The following KCNQ1 variants were observed in gnomAD, a reference collection of about 807,000 sequenced individuals.
The protein encoded by KCNQ1 is potassium voltage-gated channel subfamily Q member 1, also known as potassium voltage-gated channel subfamily KQT member 1.
KCNQ1 carries 49 observed loss-of-function variants against 72.4 expected under a neutral mutation model. That is an observed-to-expected ratio of 0.68 (90% CI 0.54 to 0.86). The LOEUF (loss-of-function observed/expected upper bound fraction) is 0.86, where lower values mean the gene tolerates loss of function less well. Ranked by LOEUF, KCNQ1 falls within the 40% of genes least tolerant of loss-of-function variation. The pLI, the probability that KCNQ1 is intolerant of heterozygous loss-of-function variation, is 0.00. For missense variants in KCNQ1, 790 were observed against 945.1 expected, an observed-to-expected ratio of 0.84 and a Z score of 2.15; for synonymous variants, 450 against 412.6, an observed-to-expected ratio of 1.09 and a Z score of -1.10.
In KCNQ1 at chr11:2,642,811, T is replaced by C; in HGVS notation, c.1394-19150T>C. 2.5e-6 allele frequency: 1 copy of C among 397,852 alleles called. No homozygotes were observed. The highest frequency in any genetic ancestry group is 4.4e-6 in the Non-Finnish European group (1 of 225,670). The allele number at this position is 397,852 out of a possible 1,614,324, so 24.6% of individuals were successfully genotyped here. On this transcript the variant is annotated intron_variant, in intron 10 of 15. Coordinates refer to ENST00000155840, the MANE Select transcript of KCNQ1 (RefSeq NM_000218.3). The surrounding 1 kb of genome is among the most constrained non-coding windows in gnomAD (Gnocchi z 4.3). ...ATGGAGGCATTTATTACAATAAACT[T>C]TCCTCTTAGCATTGCTTTTGCAGTA...
intron 15 of KCNQ1, among the ~76,000 whole-genome samples, chr11:2,806,984 CG>C (rs1847386509): frequency 6.6e-6 from 1 of 152,098 alleles, no homozygotes. Flanking sequence ...GGGGCTGGGG[CG>C]TAGCCCCTCT....
In KCNQ1 at chr11:2,627,321, CAG is replaced by C; in HGVS notation, c.1394-34638_1394-34637del. On this transcript the variant is annotated intron_variant, in intron 10 of 15. Coordinates refer to ENST00000155840, the MANE Select transcript of KCNQ1 (RefSeq NM_000218.3). The surrounding 1 kb of genome is among the most constrained non-coding windows in gnomAD (Gnocchi z 4.9). ...TGCCATGTGTGTGCGTGTGTGTGGTCAGAATACCTAAGCTATACTCTCTTAGC... is the reference window on the plus strand; with the variant it reads ...TGCCATGTGTGTGCGTGTGTGTGGTCAATACCTAAGCTATACTCTCTTAGC... 2.5e-6 allele frequency: 1 copy of C among 398,450 alleles called. No homozygotes were observed. Among genetic ancestry groups the C allele is most frequent in the Non-Finnish European group, 4.4e-6 (1 of 226,024 alleles). The allele number at this position is 398,450 out of a possible 1,614,324, so 24.7% of individuals were successfully genotyped here.
rs750244210 is a variant in KCNQ1 at position 2,498,748 on chromosome 11, A to G, written c.387-29180A>G. On this transcript the variant is annotated intron_variant, in intron 1 of 15. Coordinates refer to ENST00000155840, the MANE Select transcript of KCNQ1 (RefSeq NM_000218.3). This position sits in a 1 kb window ranked among gnomAD's most constrained non-coding sequence, Gnocchi z 4.8. ...ACTGGGGTACAGAAAAAACTCCTGC[A>G]GCTAGTTCAATGTCTGTCCAAACAG... Among the ~76,000 whole-genome samples, 19 of 152,198 alleles carry G rather than the reference A, an allele frequency of 1.2e-4. 1 individual carries two copies. The highest frequency in any genetic ancestry group is 2.4e-4 in the Non-Finnish European group (16 of 68,026).
In KCNQ1 at chr11:2,458,233, A is replaced by G. The variant is rs1480236243; in HGVS notation, c.386+12749A>G. Among the ~76,000 whole-genome samples, 1 of 152,090 alleles carries G rather than the reference A, an allele frequency of 6.6e-6. No individual in the cohort carries two copies. The highest frequency in any genetic ancestry group is 1.5e-5 in the Non-Finnish European group (1 of 68,034). On this transcript the variant is annotated intron_variant, in intron 1 of 15. Coordinates refer to ENST00000155840, the MANE Select transcript of KCNQ1 (RefSeq NM_000218.3). The surrounding 1 kb of genome is among the most constrained non-coding windows in gnomAD (Gnocchi z 4.6). ...CTGAAAATAACAGAGGAAGTGGATG[A>G]GCTGCATTGATGGGGTTCAGATCCC...
In KCNQ1 at chr11:2,653,546, C is replaced by T; in HGVS notation, c.1394-8415C>T. On this transcript the variant is annotated intron_variant, in intron 10 of 15. Coordinates refer to ENST00000155840, the MANE Select transcript of KCNQ1 (RefSeq NM_000218.3). The surrounding 1 kb of genome is among the most constrained non-coding windows in gnomAD (Gnocchi z 5.3). Reference sequence around the variant, plus strand: ...GCTCTCACTCTCCCCTCTTGCACTCCCCTTCTCCCTTCCCGTTCCCTCTTT... The same window carrying T: ...GCTCTCACTCTCCCCTCTTGCACTCTCCTTCTCCCTTCCCGTTCCCTCTTT... 2.5e-6 allele frequency: 1 copy of T among 398,912 alleles called. No individual in the cohort carries two copies. Among genetic ancestry groups the T allele is most frequent in the Non-Finnish European group, 4.4e-6 (1 of 226,252 alleles). The allele number at this position is 398,912 out of a possible 1,614,324, so 24.7% of individuals were successfully genotyped here.
rs532051056 is a variant in KCNQ1 at position 2,815,972 on chromosome 11, T to C, written c.1795-31795T>C. On this transcript the variant is annotated intron_variant, in intron 15 of 15. Coordinates refer to ENST00000155840, the MANE Select transcript of KCNQ1 (RefSeq NM_000218.3). The surrounding 1 kb of genome is among the most constrained non-coding windows in gnomAD (Gnocchi z 5.4). ...TGGGGGACCAGCCAGCTGGATATGTTCCCTTGCAGGCGGGCAGGGCTCTGG... is the reference window on the plus strand; with the variant it reads ...TGGGGGACCAGCCAGCTGGATATGTCCCCTTGCAGGCGGGCAGGGCTCTGG... 2.0e-5 allele frequency among the ~76,000 whole-genome samples: 3 copies of C among 151,992 alleles called. No individual in the cohort carries two copies. The highest frequency in any genetic ancestry group is 1.9e-4 in the East Asian group (1 of 5,152).
At chr11:2,648,904 T>C (rs1849708776) in intron 10 of KCNQ1, 1 of 398,274 alleles carries the variant, frequency 2.5e-6, no homozygotes, top group African/African-American at 2.1e-5. Flanking sequence ...TGGTTGCATA[T>C]ATAATTGTTA....
chr11:2,618,513 T>C (rs1451924353), intron 10 of KCNQ1: 3 of 398,586 alleles, frequency 7.5e-6, no homozygotes, highest in Non-Finnish European at 1.3e-5. Flanking sequence ...TGATCATATA[T>C]CTTTGAATTT....
In KCNQ1 at chr11:2,585,199, C is replaced by T. The variant is rs765281450; in HGVS notation, c.1033-13C>T. On this transcript the variant is annotated splice_polypyrimidine_tract_variant and intron_variant, in intron 7 of 15. Transcript: ENST00000155840. ...CCTGTGTGGACGGGAGCCTCCTGTC[C>T]ATTCCTTCCCAGGGGATTCTTGGCT... 4.3e-6 allele frequency: 7 copies of T among 1,611,718 alleles called. No homozygotes were observed. The African/African-American group carries it at 9.3e-5, about 22-fold the overall frequency.
rs1020461652 is a variant in KCNQ1 at position 2,447,905 on chromosome 11, C to T, written c.386+2421C>T. 6.6e-6 allele frequency among the ~76,000 whole-genome samples: 1 copy of T among 152,192 alleles called. No homozygotes were observed. Among genetic ancestry groups the T allele is most frequent in the African/African-American group, 2.4e-5 (1 of 41,448 alleles). On this transcript the variant is annotated intron_variant, in intron 1 of 15. Transcript: ENST00000155840. The surrounding 1 kb of genome is among the most constrained non-coding windows in gnomAD (Gnocchi z 7.6). ...AGCCAGCCAGGATATCCTGTCCCCTCCTCGGGGAACCCCCCCTCCCCAGGA... is the reference window on the plus strand; with the variant it reads ...AGCCAGCCAGGATATCCTGTCCCCTTCTCGGGGAACCCCCCCTCCCCAGGA...
intron 1 of KCNQ1, chr11:2,521,425 G>T (rs1266288215): frequency 6.6e-6 from 3 of 451,346 alleles, no homozygotes; most frequent in African/African-American, 6.0e-5. Flanking sequence ...CATGCATGAT[G>T]CTTTCAGACT....
chr11:2,735,344 C>G lies in KCNQ1; in HGVS notation c.1515-33500C>G, dbSNP rs773125159. Among the ~76,000 whole-genome samples, 7 of 152,006 alleles carry G rather than the reference C, an allele frequency of 4.6e-5. No homozygotes were observed. Among genetic ancestry groups the G allele is most frequent in the Non-Finnish European group, 7.4e-5 (5 of 67,968 alleles). On this transcript the variant is annotated intron_variant, in intron 11 of 15. Transcript: ENST00000155840. This position sits in a 1 kb window ranked among gnomAD's most constrained non-coding sequence, Gnocchi z 7.7. ...AGGCTAATGGCAATTGAGGCCCTGC[C>G]CGGTGGAGGGTGGGCCATGGCCGCC... is the stretch of plus-strand genomic sequence containing the variant.
Position 2,775,811 on chromosome 11 carries a change from G to A in KCNQ1, c.1591-149G>A. 5 of 780,936 alleles carry A rather than the reference G, an allele frequency of 6.4e-6. No individual in the cohort carries two copies. The East Asian group carries it at 8.0e-5, about 13-fold the overall frequency. 48.4% of individuals were successfully genotyped at this position (780,936 alleles called of 1,614,324 possible). A position where few individuals can be genotyped will look rare whatever the true frequency, so the allele number is the denominator to read the frequency against. ...GGGGACAAGCTTCGCTACTGTGCACGCTTGGAACCAGGCTTATGCCATCAC... is the reference window on the plus strand; with the variant it reads ...GGGGACAAGCTTCGCTACTGTGCACACTTGGAACCAGGCTTATGCCATCAC... On this transcript the variant is annotated intron_variant, in intron 12 of 15. Coordinates refer to ENST00000155840, the MANE Select transcript of KCNQ1 (RefSeq NM_000218.3).
At chr11:2,733,822 A>ACACTCTCTCTCTCTCTCTCT (rs1845900058) in intron 11 of KCNQ1, among the ~76,000 whole-genome samples, 1 of 92,424 alleles carries the variant, frequency 1.1e-5, no homozygotes, top group African/African-American at 4.5e-5. Flanking sequence ...ACACTCTCTC[A>ACACTCTCTCTCTCTCTCTCT]CTCTCTCTCT....
At position 2,670,450 on chromosome 11, in the gene KCNQ1, A is replaced by G. The variant is rs1850162728; in HGVS notation, c.1514+8369A>G. ...AGGAGATACTGCTGTTGGCTGAGAC[A>G]CACAGCCCACATCCTTGGTAGGTCC... On this transcript the variant is annotated intron_variant, in intron 11 of 15. Transcript: ENST00000155840. The surrounding 1 kb of genome is among the most constrained non-coding windows in gnomAD (Gnocchi z 4.9). The G allele has an allele frequency of 2.5e-6, 1 of 397,638 alleles. No homozygotes were observed. The highest frequency in any genetic ancestry group is 2.1e-5 in the African/African-American group (1 of 48,308). 24.6% of individuals were successfully genotyped at this position (397,638 alleles called of 1,614,324 possible).
At chr11:2,461,287 A>T in intron 1 of KCNQ1, 1 of 576,336 alleles carries the variant, frequency 1.7e-6, no homozygotes, top group Non-Finnish European at 2.6e-6. Context: ...CTTGGAGAGG[A>T]TGGCTTCTCA....
rs1048557709 is a variant in KCNQ1, at chr11:2,547,229, T to G, written c.477+19211T>G. Among the ~76,000 whole-genome samples, 1 of 152,158 alleles carries G rather than the reference T, an allele frequency of 6.6e-6. No homozygotes were observed. The highest frequency in any genetic ancestry group is 6.5e-5 in the Admixed American group (1 of 15,276). The stretch of plus-strand genomic sequence containing the variant: ...CATTTGGGTAATTAGGAGGTTGTAT[T>G]ATTTATTTATTTATTTTTGCGAAAC... On this transcript the variant is annotated intron_variant, in intron 2 of 15. Coordinates refer to ENST00000155840, the MANE Select transcript of KCNQ1 (RefSeq NM_000218.3). The surrounding 1 kb of genome is among the most constrained non-coding windows in gnomAD (Gnocchi z 4.2).
intron 10 of KCNQ1, among the ~76,000 whole-genome samples, chr11:2,604,562 T>C (rs1848853008): frequency 6.6e-6 from 1 of 151,846 alleles, no homozygotes. Context: ...TATCTTTTTT[T>C]TGAGATGAAG....
In KCNQ1 at chr11:2,494,967, C is replaced by T. The variant is rs1846886569; in HGVS notation, c.387-32961C>T. Among the ~76,000 whole-genome samples, 1 of 152,134 alleles carries T rather than the reference C, an allele frequency of 6.6e-6. No homozygotes were observed. Among genetic ancestry groups the T allele is most frequent in the South Asian group, 2.1e-4 (1 of 4,806 alleles). ...GAATTTGGGTGTGAATCCGTCTGGT[C>T]CTGGGCTTTTTTTGGTTGGCAGGCT... On this transcript the variant is annotated intron_variant, in intron 1 of 15. Transcript: ENST00000155840. This position sits in a 1 kb window ranked among gnomAD's most constrained non-coding sequence, Gnocchi z 4.6.
Sources: allele counts gnomAD v4.1 joint callset (sites outside exome capture counted in the v4.1 genomes callset), GRCh38; gene constraint gnomAD v4.1.1; non-coding constraint Gnocchi (gnomAD v3.1); transcripts MANE v1.5; gene names NCBI Gene and HGNC (gene_info 2026-07-23, HGNC 2026-07-21).